The following MEG3 variants were observed in gnomAD, a reference collection of about 807,000 sequenced individuals.
The protein encoded by MEG3 is maternally expressed 3, also known as Very putative protein from MEG3 locus.
At chr14:100,852,649 G>A (rs1035115305), upstream of MEG3, 14 of 298,176 alleles carry the variant, frequency 4.7e-5, no homozygotes, top group African/African-American at 2.2e-4. Context: ...GAAGAAGACC[G>A]GGAGGGTCTT....
At chr14:100,849,698 T>G (rs2139992420) in intron 3 of MEG3, 1 of 152,288 alleles carries the variant, frequency 6.6e-6, no homozygotes, top group East Asian at 1.9e-4. Context: ...GGATTAGTCA[T>G]AAGACTGTCA....
At chr14:100,839,462 C>T (rs79698054) in intron 2 of MEG3, among the ~76,000 whole-genome samples, 13,923 of 152,154 alleles carry the variant, frequency 0.092, 1,020 homozygotes, top group East Asian at 0.39. Flanking sequence ...CCTTTTGAAA[C>T]GAGGCCTCAG....
chr14:100,842,617 C>A (rs563574093), intron 2 of MEG3, among the ~76,000 whole-genome samples: 4 of 152,124 alleles, frequency 2.6e-5, no homozygotes, highest in Non-Finnish European at 4.4e-5. Flanking sequence ...ATTTGTGTAA[C>A]GACGGGCTCT....
At chr14:100,833,388 T>G (rs2037453560), downstream of MEG3, 1 of 152,062 alleles carries the variant, frequency 6.6e-6, no homozygotes, top group African/African-American at 2.4e-5. Flanking sequence ...GCCTCCTGAG[T>G]AGCTGGGATT....
intron 1 of MEG3, chr14:100,860,570 C>T (rs754108979): frequency 2.7e-5 from 12 of 441,632 alleles, no homozygotes; most frequent in East Asian, 7.0e-5. Flanking sequence ...GCTAGGAGCC[C>T]GTGAGCAGGG....
At position 100,837,319 on chromosome 14, in the gene MEG3, C is replaced by T. The variant is rs1389497584; in HGVS notation, n.3045+1019C>T. 6.6e-6 allele frequency among the ~76,000 whole-genome samples: 1 copy of T among 152,186 alleles called. No individual in the cohort carries two copies. The highest frequency in any genetic ancestry group is 1.5e-5 in the Non-Finnish European group (1 of 68,034). Reference sequence around the variant, plus strand: ...GGGCGATGGGGTGTTTTTAGAGCCACTGCCCTGGGAGGCAGTGTCAGGATC... The same window carrying T: ...GGGCGATGGGGTGTTTTTAGAGCCATTGCCCTGGGAGGCAGTGTCAGGATC... On this transcript the variant is annotated intron_variant and non_coding_transcript_variant, in intron 2 of 3. Coordinates refer to the MEG3 transcript ENST00000398461. The surrounding 1 kb of genome is among the most constrained non-coding windows in gnomAD (Gnocchi z 5.8).
At chr14:100,850,162 G>A (rs2038026143) in intron 3 of MEG3, 1 of 152,184 alleles carries the variant, frequency 6.6e-6, no homozygotes, top group Non-Finnish European at 1.5e-5. Context: ...AAATAAGGAA[G>A]ACTGACAAAT....
At chr14:100,827,680 C>A (rs866058346) in intron 1 of MEG3, among the ~76,000 whole-genome samples, 2 of 152,016 alleles carry the variant, frequency 1.3e-5, no homozygotes, top group Non-Finnish European at 2.9e-5. Context: ...GAGGGAGGCA[C>A]GACTTTGGAG....
At chr14:100,839,533 T>G (rs1427731236) in intron 2 of MEG3, among the ~76,000 whole-genome samples, 1 of 152,156 alleles carries the variant, frequency 6.6e-6, no homozygotes, top group East Asian at 1.9e-4. Context: ...GGGTCTCGTA[T>G]GGAGCCCCAT....
At chr14:100,830,541 A>T (rs1193249933), downstream of MEG3, 2 of 152,188 alleles carry the variant, frequency 1.3e-5, no homozygotes, top group Non-Finnish European at 2.9e-5. Context: ...CCTTAGTGAG[A>T]ACAGCACTCA....
upstream of MEG3, chr14:100,853,973 G>A (rs2038165609): frequency 6.6e-6 from 1 of 152,220 alleles, no homozygotes; most frequent in Non-Finnish European, 1.5e-5. Flanking sequence ...TGGAAGAATG[G>A]AGGAAGGAGC....
chr14:100,832,536 G>A (rs1440491344), downstream of MEG3: 1 of 152,650 alleles, frequency 6.6e-6, no homozygotes, highest in Non-Finnish European at 1.5e-5. Flanking sequence ...CTTGTCGAAG[G>A]AAGAGGCTGC....
At chr14:100,841,636 G>A (rs1039275583) in intron 2 of MEG3, among the ~76,000 whole-genome samples, 3 of 150,484 alleles carry the variant, frequency 2.0e-5, no homozygotes, top group Non-Finnish European at 4.4e-5. Context: ...GACCTGTGTG[G>A]TCGGGGGGGG....
chr14:100,843,355 C>T (rs2295387), intron 2 of MEG3, among the ~76,000 whole-genome samples: 32,831 of 151,768 alleles, frequency 0.22, 3,639 homozygotes, highest in Admixed American at 0.27. Context: ...CACCTTAGGA[C>T]GTGGCGATGG....
chr14:100,852,975 C>T (rs2038130678), upstream of MEG3: 1 of 153,660 alleles, frequency 6.5e-6, no homozygotes, highest in African/African-American at 2.4e-5. Flanking sequence ...GATCAGGGCT[C>T]TTAGGGTTTT....
At chr14:100,851,420 G>A (rs1352641601) in intron 3 of MEG3, 2 of 152,282 alleles carry the variant, frequency 1.3e-5, no homozygotes, top group African/African-American at 4.8e-5. Context: ...ACATCCAGGG[G>A]TTGGTGCAGG....
chr14:100,835,785 C>A, exon 1 of MEG3: 1 of 183,472 alleles, frequency 5.5e-6, no homozygotes. Flanking sequence ...CCATCTCCTG[C>A]CAAGCATCCT....
chr14:100,827,256 G>T (rs1217917049), intron 1 of MEG3, among the ~76,000 whole-genome samples: 6 of 152,008 alleles, frequency 3.9e-5, no homozygotes, highest in African/African-American at 1.4e-4. Flanking sequence ...GGGCGCAGGC[G>T]GGTGGCTACG....
chr14:100,845,137 T>C lies in MEG3; in HGVS notation n.3046-321T>C, dbSNP rs1163628154. On this transcript the variant is annotated intron_variant and non_coding_transcript_variant, in intron 2 of 3. Coordinates refer to the MEG3 transcript ENST00000398461. This position sits in a 1 kb window ranked among gnomAD's most constrained non-coding sequence, Gnocchi z 5.2. ...AGGTTCATGCCCTGTCTTCAGGGCC[T>C]GGGCCACCCCCGTTTCTCATCTATG... Among the ~76,000 whole-genome samples, 1 of 152,220 alleles carries C rather than the reference T, an allele frequency of 6.6e-6. No homozygotes were observed. Among genetic ancestry groups the C allele is most frequent in the African/African-American group, 2.4e-5 (1 of 41,464 alleles).
Sources: gnomAD v4.1 joint callset for allele counts (sites outside exome capture counted in the v4.1 genomes callset) on GRCh38, gnomAD v4.1.1 for gene constraint, Gnocchi (gnomAD v3.1) non-coding constraint, MANE v1.5 for transcripts, NCBI Gene and HGNC (gene_info 2026-07-23, HGNC 2026-07-21) for gene names.